ENTPD7: variants seen among roughly 807,000 people sequenced by gnomAD.
ENTPD7 encodes NTPDase 7.
A neutral mutation model predicts 77.9 loss-of-function variants in ENTPD7; 53 were observed. That is an observed-to-expected ratio of 0.68 (90% CI 0.55 to 0.85). The LOEUF is 0.85. ENTPD7 is among the 40% of genes least tolerant of loss of function. The pLI, the probability that ENTPD7 is intolerant of heterozygous loss-of-function variation, is 0.00. For missense variants in ENTPD7, 636 were observed against 743.7 expected (o/e 0.86, Z 1.68); for synonymous variants, 248 against 274.9 (o/e 0.90, Z 0.97).
chr10:99,700,643 C>A (rs2036101654), intron 10 of ENTPD7, among the ~76,000 whole-genome samples: 1 of 152,198 alleles, frequency 6.6e-6, no homozygotes, highest in African/African-American at 2.4e-5. Flanking sequence ...CATCCTCTTC[C>A]ATCTGCTCTC....
Position 99,700,989 on chromosome 10 carries a change from C to T in ENTPD7, c.1352C>T (p.Ala451Val), listed in dbSNP as rs1247572317. 4 of 1,613,928 alleles carry T rather than the reference C, an allele frequency of 2.5e-6. No homozygotes were observed. Among genetic ancestry groups the T allele is most frequent in the Non-Finnish European group, 3.4e-6 (4 of 1,179,944 alleles). The change falls in exon 11 of 13, where the codon GCT (alanine) becomes GTT (valine). Residue 451 changes from alanine to valine, a missense_variant. Coordinates refer to ENST00000370489, the MANE Select transcript of ENTPD7 (RefSeq NM_020354.5). ...TTGATCCAGGATTACTGTGGCATGG[C>T]TTGGTCGGTACTAACTCAGAGATTC... Reference protein sequence around the residue: ...AKAAQDYCGMAWSVLTQRFKN... With the variant: ...AKAAQDYCGMVWSVLTQRFKN...
intron 8 of ENTPD7, among the ~76,000 whole-genome samples, chr10:99,692,460 A>G (rs72832517): frequency 0.037 from 5,597 of 152,246 alleles, 154 homozygotes; most frequent in Middle Eastern, 0.17. Context: ...CTTAGCTTGC[A>G]AAGTTGAATG....
At chr10:99,681,726 A>G (rs1182595345) in intron 5 of ENTPD7, among the ~76,000 whole-genome samples, 1 of 152,190 alleles carries the variant, frequency 6.6e-6, no homozygotes, top group Non-Finnish European at 1.5e-5. Context: ...GATAACAGCC[A>G]TCCTGACAAG....
chr10:99,677,116 G>A (rs769111451), intron 3 of ENTPD7, among the ~76,000 whole-genome samples: 11 of 152,164 alleles, frequency 7.2e-5, no homozygotes, highest in African/African-American at 2.2e-4. Context: ...AGCGTGATGC[G>A]TGGTTTGTTG....
chr10:99,700,434 GTGTGTGTGTGTT>G (rs2133512522), intron 10 of ENTPD7, among the ~76,000 whole-genome samples: 1 of 93,506 alleles, frequency 1.1e-5, no homozygotes, highest in East Asian at 3.0e-4. Flanking sequence ...GTGTGTGTGT[GTGTGTGTGTGTT>G]TATTGTCTGT....
At position 99,664,692 on chromosome 10, in the gene ENTPD7, A is replaced by G. The variant is rs1028154742; in HGVS notation, c.191+3064A>G. ...TCTCGATCTCCTGACCTTGTGGTCTACCCACGTTGGCCTCCCAAAGTGCTG... is the reference window on the plus strand; with the variant it reads ...TCTCGATCTCCTGACCTTGTGGTCTGCCCACGTTGGCCTCCCAAAGTGCTG... On this transcript the variant is annotated intron_variant, in intron 3 of 12. Transcript: ENST00000370489. Among the ~76,000 whole-genome samples, 8 of 145,786 alleles carry G rather than the reference A, an allele frequency of 5.5e-5. No homozygotes were observed. In the East Asian group the frequency reaches 6.4e-4, roughly 12 times the overall value.
At position 99,706,659 on chromosome 10, in the gene ENTPD7, C is replaced by G. The variant is rs996646909; in HGVS notation, c.*1976C>G. 6.6e-6 allele frequency among the ~76,000 whole-genome samples: 1 copy of G among 152,074 alleles called. No individual in the cohort carries two copies. Among genetic ancestry groups the G allele is most frequent in the Non-Finnish European group, 1.5e-5 (1 of 68,002 alleles). On this transcript the variant is annotated 3_prime_UTR_variant, in exon 13 of 13. Transcript: ENST00000370489. ...CTCTGTTTCCTTTGGAAATCTCTTACCTTTCATTAGGGTTTCTTTCATAGC... is the reference window on the plus strand; with the variant it reads ...CTCTGTTTCCTTTGGAAATCTCTTAGCTTTCATTAGGGTTTCTTTCATAGC...
intron 8 of ENTPD7, among the ~76,000 whole-genome samples, chr10:99,694,874 A>C (rs920261449): frequency 7.9e-5 from 12 of 152,194 alleles, no homozygotes; most frequent in Non-Finnish European, 1.8e-4. Flanking sequence ...TTGGAGTGAA[A>C]TTGCAGGGCA....
intron 3 of ENTPD7, among the ~76,000 whole-genome samples, chr10:99,671,986 T>G (rs938882242): frequency 6.6e-6 from 1 of 152,216 alleles, no homozygotes; most frequent in Non-Finnish European, 1.5e-5. Flanking sequence ...GATGAAATGA[T>G]TAGGTTCTTA....
rs2036318431 is a variant in ENTPD7 at position 99,709,521 on chromosome 10, T to C, written c.*4838T>C. On this transcript the variant is annotated 3_prime_UTR_variant, in exon 13 of 13. Transcript: ENST00000370489. ...CAAAACCAAAAGTTGTGATTAATAA[T>C]AACAGGATTATTAGTCAATAATATT... is the stretch of plus-strand genomic sequence containing the variant. 1.0e-5 allele frequency: 10 copies of C among 983,482 alleles called. No homozygotes were observed. Among genetic ancestry groups the C allele is most frequent in the Non-Finnish European group, 1.2e-5 (10 of 828,154 alleles). 60.9% of individuals were successfully genotyped at this position (983,482 alleles called of 1,614,324 possible).
rs914121541 is a variant in ENTPD7, at chr10:99,710,385, T to C, written c.*5702T>C. The C allele has an allele frequency of 2.0e-6, 2 of 985,438 alleles. No homozygotes were observed. Among genetic ancestry groups the C allele is most frequent in the African/African-American group, 3.5e-5 (2 of 57,364 alleles). 61.0% of individuals were successfully genotyped at this position (985,438 alleles called of 1,614,324 possible). A position where few individuals can be genotyped will look rare whatever the true frequency, so the allele number is the denominator to read the frequency against. On this transcript the variant is annotated 3_prime_UTR_variant, in exon 13 of 13. Transcript: ENST00000370489. ...TGAAGTACATGCCATGTACTCCCCCTTTATTTCTACCTTGATCAATGGCCT... is the reference window on the plus strand; with the variant it reads ...TGAAGTACATGCCATGTACTCCCCCCTTATTTCTACCTTGATCAATGGCCT...
intron 3 of ENTPD7, among the ~76,000 whole-genome samples, chr10:99,671,972 T>C (rs561778426): frequency 6.6e-6 from 1 of 152,334 alleles, no homozygotes; most frequent in Admixed American, 6.5e-5. Flanking sequence ...CTTTAGCATA[T>C]ACAGATGAAA....
Position 99,695,921 on chromosome 10 carries a change from T to C in ENTPD7, c.844-35T>C, listed in dbSNP as rs781505876. 4 of 1,573,136 alleles carry C rather than the reference T, an allele frequency of 2.5e-6. No homozygotes were observed. In the East Asian group the frequency reaches 6.8e-5, roughly 27 times the overall value. ...TAGCTTTCTAGAAGGCAACCAAAAC[T>C]AAAATTCCCTTTTTCTCTTGGTATT... On this transcript the variant is annotated intron_variant, in intron 8 of 12. Transcript: ENST00000370489.
intron 4 of ENTPD7, 56 bp downstream of exon 4, chr10:99,679,522 C>T: frequency 6.6e-7 from 1 of 1,526,452 alleles, no homozygotes; most frequent in Non-Finnish European, 8.8e-7. Flanking sequence ...AAAGAGGAGA[C>T]AAAAGAAGCA....
chr10:99,698,021 T>A, intron 9 of ENTPD7: 1 of 157,724 alleles, frequency 6.3e-6, no homozygotes, highest in Non-Finnish European at 1.4e-5. Context: ...TTCCTGGAGC[T>A]GGTGCTGTGC....
rs1454860869 is a variant in ENTPD7 at position 99,659,644 on chromosome 10, G to C, written c.-96+56G>C. On this transcript the variant is annotated intron_variant, in intron 1 of 12. Transcript: ENST00000370489. The surrounding 1 kb of genome is among the most constrained non-coding windows in gnomAD (Gnocchi z 4.1). ...CCGGAGGGACGGGGAGAGGAAGCGG[G>C]ACCCACACCCCGCCACCTGGGGACG... The C allele has an allele frequency of 3.7e-6, 1 of 268,164 alleles. No individual in the cohort carries two copies. Among genetic ancestry groups the C allele is most frequent in the East Asian group, 7.2e-5 (1 of 13,878 alleles). The allele number at this position is 268,164 out of a possible 1,614,324, so 16.6% of individuals were successfully genotyped here.
intron 3 of ENTPD7, among the ~76,000 whole-genome samples, chr10:99,672,464 C>T (rs2035629080): frequency 6.6e-6 from 1 of 151,986 alleles, no homozygotes; most frequent in African/African-American, 2.4e-5. Flanking sequence ...CACCACCACA[C>T]CCGACTAATT....
Position 99,696,125 on chromosome 10 carries a change from A to G in ENTPD7, c.1010+3A>G. ...AATGAAACTCTTAACAAAAACAGGTACATTTGATATGGGATCTGAGTTTCT... is the reference window on the plus strand; with the variant it reads ...AATGAAACTCTTAACAAAAACAGGTGCATTTGATATGGGATCTGAGTTTCT... On this transcript the variant is annotated splice_donor_region_variant and intron_variant, in intron 9 of 12. Transcript: ENST00000370489. 1.2e-6 allele frequency: 2 copies of G among 1,612,940 alleles called. No individual in the cohort carries two copies. The highest frequency in any genetic ancestry group is 1.1e-5 in the South Asian group (1 of 90,804).
At chr10:99,701,208 T>C (rs2036115717) in intron 11 of ENTPD7, 150 bp downstream of exon 11, 1 of 685,858 alleles carries the variant, frequency 1.5e-6, no homozygotes, top group African/African-American at 1.8e-5. Context: ...GGGGCCAAAA[T>C]AGTGAGCCTA....
Sources: allele counts gnomAD v4.1 joint callset (sites outside exome capture counted in the v4.1 genomes callset), GRCh38; gene constraint gnomAD v4.1.1; non-coding constraint Gnocchi (gnomAD v3.1); transcripts MANE v1.5; gene names NCBI Gene and HGNC (gene_info 2026-07-23, HGNC 2026-07-21).